Variants in EFEMP1 observed in about 807,000 individuals in gnomAD.
EFEMP1 encodes EGF-like fibulin extracellular matrix protein 1.
EFEMP1 carries 18 observed loss-of-function variants against 65.7 expected under a neutral mutation model. That is an observed-to-expected ratio of 0.27 (90% CI 0.19 to 0.41). EFEMP1 has a LOEUF of 0.41. Ranked by LOEUF, EFEMP1 falls within the 10% of genes least tolerant of loss-of-function variation. EFEMP1 has a pLI of 1.00. For synonymous variants in EFEMP1, 237 were observed against 219.7 expected, an observed-to-expected ratio of 1.08 and a Z score of -0.70; for missense variants, 469 against 624.8, an observed-to-expected ratio of 0.75 and a Z score of 2.66.
rs1371908287 is a variant in EFEMP1 at position 55,917,897 on chromosome 2, T to C, written c.285A>G (p.Ser95=). 1 of 1,614,190 alleles carries C rather than the reference T, an allele frequency of 6.2e-7. No individual in the cohort carries two copies. Among genetic ancestry groups the C allele is most frequent in the Admixed American group, 1.7e-5 (1 of 60,024 alleles). Residue 95 remains serine (S), a synonymous_variant, in exon 5 of 12, where the codon TCA becomes TCG. Transcript: ENST00000355426. This position sits in a 1 kb window ranked among gnomAD's most constrained non-coding sequence, Gnocchi z 6.3. ...QQETQPAEGT[S]GATTGVVAAS... The stretch of plus-strand genomic sequence containing the variant: ...CAGCTACAACCCCGGTGGTTGCCCC[T>C]GAGGTTCCTTCTGCTGGTTGTGTTT...
intron 5 of EFEMP1, among the ~76,000 whole-genome samples, chr2:55,914,318 A>G (rs1438404012): frequency 6.6e-6 from 1 of 152,208 alleles, no homozygotes; most frequent in Non-Finnish European, 1.5e-5. Context: ...TACCTGAAAA[A>G]AACCTGCTCA....
At chr2:55,880,260 T>C (rs1321950207) in intron 6 of EFEMP1, among the ~76,000 whole-genome samples, 1 of 152,266 alleles carries the variant, frequency 6.6e-6, no homozygotes, top group African/African-American at 2.4e-5. Flanking sequence ...AGACACATGA[T>C]TAGATCTGAG....
intron 5 of EFEMP1, among the ~76,000 whole-genome samples, chr2:55,896,018 G>T (rs1669819943): frequency 6.6e-6 from 1 of 152,044 alleles, no homozygotes; most frequent in African/African-American, 2.4e-5. Flanking sequence ...CCAAAGTCTG[G>T]CATTCTCCAC....
rs1558459484 is a variant in EFEMP1, at chr2:55,873,065, T to TA, written c.1000+1880_1000+1881insT. Among the ~76,000 whole-genome samples, 5 of 50,346 alleles carry TA rather than the reference T, an allele frequency of 9.9e-5. No individual in the cohort carries two copies. Among genetic ancestry groups the TA allele is most frequent in the East Asian group, 1.2e-3 (1 of 834 alleles). 33.0% of individuals were successfully genotyped at this position (50,346 alleles called of 152,430 possible). A position where few individuals can be genotyped will look rare whatever the true frequency, so the allele number is the denominator to read the frequency against. ...ATTCTTTTGTCTCTCTGTCTCTCTC[T>TA]CCACACACACACACACACACACACA... On this transcript the variant is annotated intron_variant, in intron 9 of 11. Transcript: ENST00000355426. The surrounding 1 kb of genome is among the most constrained non-coding windows in gnomAD (Gnocchi z 4.6).
chr2:55,920,321 A>G (rs532596972), intron 3 of EFEMP1, among the ~76,000 whole-genome samples: 4 of 152,244 alleles, frequency 2.6e-5, no homozygotes, highest in Non-Finnish European at 4.4e-5. Context: ...TATAATCTGT[A>G]TAATAGTATC....
Position 55,877,816 on chromosome 2 carries a change from A to G in EFEMP1, c.690T>C (p.Asn230=), listed in dbSNP as rs539328785. The change falls in exon 7 of 12, where the codon AAT becomes AAC. Residue 230 remains asparagine (N), a synonymous_variant. Transcript: ENST00000355426. The surrounding 1 kb of genome is among the most constrained non-coding windows in gnomAD (Gnocchi z 4.5). ...IPPYCHQRCV[N]TPGSFYCQCS... Reference sequence around the variant, plus strand: ...ACTGGCAATAAAATGAGCCTGGTGTATTCACGCATCTTTGGTGGCAATATG... The same window carrying G: ...ACTGGCAATAAAATGAGCCTGGTGTGTTCACGCATCTTTGGTGGCAATATG... The G allele has an allele frequency of 6.2e-7, 1 of 1,613,322 alleles. No homozygotes were observed. Among genetic ancestry groups the G allele is most frequent in the African/African-American group, 1.3e-5 (1 of 75,008 alleles).
intron 6 of EFEMP1, among the ~76,000 whole-genome samples, chr2:55,881,029 A>G (rs1669219513): frequency 6.6e-6 from 1 of 152,220 alleles, no homozygotes; most frequent in African/African-American, 2.4e-5. Flanking sequence ...TTTAATACCC[A>G]TCTGTTGACT....
chr2:55,868,223 C>A (rs1668661631), intron 11 of EFEMP1, among the ~76,000 whole-genome samples: 2 of 152,076 alleles, frequency 1.3e-5, no homozygotes, highest in South Asian at 4.2e-4. Flanking sequence ...AATAATAACA[C>A]CTTGAAGGTG....
intron 5 of EFEMP1, among the ~76,000 whole-genome samples, chr2:55,913,225 G>A (rs917625405): frequency 6.6e-6 from 1 of 152,156 alleles, no homozygotes; most frequent in Non-Finnish European, 1.5e-5. Flanking sequence ...TATTTGCCTG[G>A]GACAAAGGCA....
chr2:55,873,487 C>A lies in EFEMP1; in HGVS notation c.1000+1459G>T, dbSNP rs1668903586. The stretch of plus-strand genomic sequence containing the variant: ...TTCTGTCTTTTGCTGAGCATCAAAT[C>A]AATTTTTGATCAGAAACACATAGAT... On this transcript the variant is annotated intron_variant, in intron 9 of 11. Transcript: ENST00000355426. This position sits in a 1 kb window ranked among gnomAD's most constrained non-coding sequence, Gnocchi z 4.6. Among the ~76,000 whole-genome samples the A allele has an allele frequency of 6.6e-6, 1 of 152,024 alleles. No individual in the cohort carries two copies. The highest frequency in any genetic ancestry group is 6.6e-5 in the Admixed American group (1 of 15,246).
intron 11 of EFEMP1, among the ~76,000 whole-genome samples, chr2:55,868,153 C>A (rs1020851508): frequency 7.2e-5 from 11 of 152,186 alleles, no homozygotes; most frequent in African/African-American, 2.7e-4. Flanking sequence ...TGGCTTTATT[C>A]ATTGTTGTGT....
chr2:55,908,786 A>C (rs1037879523), intron 5 of EFEMP1, among the ~76,000 whole-genome samples: 18 of 152,164 alleles, frequency 1.2e-4, no homozygotes, highest in Admixed American at 6.5e-4. Context: ...AAATATTAAC[A>C]CTTTCCCAAC....
In EFEMP1 at chr2:55,877,330, A is replaced by G. The variant is rs982821846; in HGVS notation, c.760+416T>C. 5.3e-5 allele frequency among the ~76,000 whole-genome samples: 8 copies of G among 152,278 alleles called. No homozygotes were observed. Among genetic ancestry groups the G allele is most frequent in the African/African-American group, 9.6e-5 (4 of 41,560 alleles). Reference sequence around the variant, plus strand: ...ACTAGATTTTTTCCATGTCATGCCAATCTTTTAATTGTGTGCCGTGACATT... The same window carrying G: ...ACTAGATTTTTTCCATGTCATGCCAGTCTTTTAATTGTGTGCCGTGACATT... On this transcript the variant is annotated intron_variant, in intron 7 of 11. Transcript: ENST00000355426. The surrounding 1 kb of genome is among the most constrained non-coding windows in gnomAD (Gnocchi z 4.5).
At chr2:55,899,220 G>T (rs1669943790) in intron 5 of EFEMP1, among the ~76,000 whole-genome samples, 1 of 152,198 alleles carries the variant, frequency 6.6e-6, no homozygotes, top group Admixed American at 6.5e-5. Flanking sequence ...TGGGGACTGA[G>T]GCTCTCAACT....
intron 5 of EFEMP1, among the ~76,000 whole-genome samples, chr2:55,915,901 A>G (rs2903836): frequency 2.0e-3 from 309 of 152,250 alleles, no homozygotes; most frequent in African/African-American, 6.7e-3. Flanking sequence ...CTTAAATTCA[A>G]TATCAGAATA....
intron 5 of EFEMP1, among the ~76,000 whole-genome samples, chr2:55,882,277 C>T (rs1262284661): frequency 1.3e-5 from 2 of 152,078 alleles, no homozygotes; most frequent in Non-Finnish European, 2.9e-5. Flanking sequence ...TATACGTTCC[C>T]TGTAGCTGTT....
rs185614902 is a variant in EFEMP1 at position 55,866,080 on chromosome 2, T to G, written c.*993A>C. 4.6e-5 allele frequency: 7 copies of G among 152,210 alleles called. No homozygotes were observed. The East Asian group carries it at 1.2e-3, about 25-fold the overall frequency. The allele number at this position is 152,210 out of a possible 1,614,324, so 9.4% of individuals were successfully genotyped here. A position where few individuals can be genotyped will look rare whatever the true frequency, so the allele number is the denominator to read the frequency against. ...TATTCCATAGAATTGGGTAGGAGGG[T>G]AATTTGCTTAAGTTCACTGTCACTC... On this transcript the variant is annotated 3_prime_UTR_variant, in exon 12 of 12. Transcript: ENST00000355426.
intron 9 of EFEMP1, among the ~76,000 whole-genome samples, chr2:55,874,533 C>G (rs757317286): frequency 6.6e-6 from 1 of 151,986 alleles, no homozygotes; most frequent in African/African-American, 2.4e-5. Flanking sequence ...TACATTCTTA[C>G]GCAATTTATA....
rs1399879099 is a variant in EFEMP1, at chr2:55,867,202, G to A, written c.1353C>T (p.Leu451=). Reference sequence around the variant, plus strand: ...CTCTTGGTCCTGATAATGACTTCACGAGCACAAGCATTGCACTTACAGGAC... The same window carrying A: ...CTCTTGGTCCTGATAATGACTTCACAAGCACAAGCATTGCACTTACAGGAC... The part of the protein sequence containing the change: ...QTSPVSAMLV[L]VKSLSGPREH... Residue 451 remains leucine (L), a synonymous_variant, in exon 12 of 12, where the codon CTC becomes CTT. Coordinates refer to ENST00000355426, the MANE Select transcript of EFEMP1 (RefSeq NM_001039348.3). The surrounding 1 kb of genome is among the most constrained non-coding windows in gnomAD (Gnocchi z 4.3). 15 of 1,613,924 alleles carry A rather than the reference G, an allele frequency of 9.3e-6. No individual in the cohort carries two copies. The highest frequency in any genetic ancestry group is 2.2e-5 in the East Asian group (1 of 44,864).
Sources: allele counts gnomAD v4.1 joint callset (sites outside exome capture counted in the v4.1 genomes callset), GRCh38; gene constraint gnomAD v4.1.1; non-coding constraint Gnocchi (gnomAD v3.1); transcripts MANE v1.5; gene names NCBI Gene and HGNC (gene_info 2026-07-23, HGNC 2026-07-21).